TMEM132D: variants seen among roughly 807,000 people sequenced by gnomAD.
TMEM132D encodes mature OL transmembrane protein.
A neutral mutation model predicts 62.3 loss-of-function variants in TMEM132D; 21 were observed. That is an observed-to-expected ratio of 0.34 (90% CI 0.24 to 0.49). The LOEUF is 0.49. TMEM132D is among the 20% of genes least tolerant of loss of function. The pLI is 0.99. For synonymous variants in TMEM132D, 621 were observed against 575.6 expected, an observed-to-expected ratio of 1.08 and a Z score of -1.13; for missense variants, 1,346 against 1,402.8, an observed-to-expected ratio of 0.96 and a Z score of 0.65.
intron 3 of TMEM132D, among the ~76,000 whole-genome samples, chr12:129,451,032 G>T (rs561958362): frequency 7.2e-5 from 11 of 152,008 alleles, no homozygotes; most frequent in Non-Finnish European, 1.3e-4. Context: ...AAAGTGCTGG[G>T]ATTACAGGCG....
chr12:129,076,562 T>TAGAC (rs572475249), intron 8 of TMEM132D, among the ~76,000 whole-genome samples: 250 of 152,344 alleles, frequency 1.6e-3, no homozygotes, highest in African/African-American at 5.8e-3. Context: ...CTTATTCTGT[T>TAGAC]AGACACTGGC....
chr12:129,394,496 G>A (rs7958200), intron 3 of TMEM132D, among the ~76,000 whole-genome samples: 24,343 of 152,142 alleles, frequency 0.16, 3,114 homozygotes, highest in African/African-American at 0.35. Flanking sequence ...CCGGGCCTGC[G>A]TGAGTTCTTA....
chr12:129,844,392 G>A (rs1032938240), intron 1 of TMEM132D, among the ~76,000 whole-genome samples: 2 of 152,176 alleles, frequency 1.3e-5, no homozygotes, highest in African/African-American at 4.8e-5. Flanking sequence ...TGTGTGAGAT[G>A]AGGTCTCATG....
intron 3 of TMEM132D, among the ~76,000 whole-genome samples, chr12:129,504,520 T>C (rs1336019004): frequency 1.3e-5 from 2 of 152,210 alleles, no homozygotes; most frequent in Non-Finnish European, 2.9e-5. Flanking sequence ...CATAAAGGTA[T>C]TCATAGTAGC....
At position 129,076,659 on chromosome 12, in the gene TMEM132D, C is replaced by A. The variant is rs943211280; in HGVS notation, c.2116-1600G>T. Among the ~76,000 whole-genome samples, 5 of 152,176 alleles carry A rather than the reference C, an allele frequency of 3.3e-5. 1 individual carries two copies. The highest frequency in any genetic ancestry group is 3.3e-4 in the Admixed American group (5 of 15,278). ...CACTGACTTACCAGGTTCTCTCAAT[C>A]GGCCATGAAATCTGAGCAGAGCATT... On this transcript the variant is annotated intron_variant, in intron 8 of 8. Transcript: ENST00000422113.
intron 3 of TMEM132D, among the ~76,000 whole-genome samples, chr12:129,361,842 A>C (rs1184739303): frequency 6.6e-6 from 1 of 152,264 alleles, no homozygotes; most frequent in Non-Finnish European, 1.5e-5. Flanking sequence ...GGTTCAAAAA[A>C]GAGGCAAATC....
intron 2 of TMEM132D, among the ~76,000 whole-genome samples, chr12:129,603,313 A>G (rs1412392110): frequency 6.6e-6 from 1 of 152,070 alleles, no homozygotes; most frequent in Non-Finnish European, 1.5e-5. Flanking sequence ...TCTCTCCCCA[A>G]CCCAATTCCT....
intron 1 of TMEM132D, among the ~76,000 whole-genome samples, chr12:129,896,855 T>C (rs945565426): frequency 7.2e-5 from 11 of 152,240 alleles, no homozygotes; most frequent in Non-Finnish European, 1.5e-4. Context: ...GCTATTTGAA[T>C]TCTCTTTCAA....
intron 3 of TMEM132D, among the ~76,000 whole-genome samples, chr12:129,520,350 G>A (rs552491621): frequency 6.6e-6 from 1 of 152,166 alleles, no homozygotes; most frequent in Non-Finnish European, 1.5e-5. Flanking sequence ...CCAACTATCT[G>A]TTCTAACACA....
At chr12:129,652,810 G>T (rs2137184405) in intron 2 of TMEM132D, among the ~76,000 whole-genome samples, 1 of 152,336 alleles carries the variant, frequency 6.6e-6, no homozygotes, top group South Asian at 2.1e-4. Context: ...TGTTACAACA[G>T]CCACAGGAAA....
chr12:129,463,390 C>CA (rs1873748971), intron 3 of TMEM132D, among the ~76,000 whole-genome samples: 1 of 151,762 alleles, frequency 6.6e-6, no homozygotes, highest in Admixed American at 6.6e-5. Context: ...TTCCATATGG[C>CA]AAAAAACATA....
chr12:129,423,745 T>G (rs990173449), intron 3 of TMEM132D, among the ~76,000 whole-genome samples: 1 of 152,162 alleles, frequency 6.6e-6, no homozygotes, highest in Admixed American at 6.5e-5. Flanking sequence ...CAATATTATT[T>G]ATGGTAATAC....
intron 4 of TMEM132D, among the ~76,000 whole-genome samples, chr12:129,237,842 C>T (rs1233096429): frequency 2.0e-5 from 3 of 151,950 alleles, no homozygotes; most frequent in South Asian, 2.1e-4. Context: ...TAGCTGGGCA[C>T]GGTGGCAGGA....
intron 3 of TMEM132D, among the ~76,000 whole-genome samples, chr12:129,521,070 T>G (rs1167453064): frequency 6.6e-6 from 1 of 152,218 alleles, no homozygotes. Context: ...ACAGTCCCAG[T>G]TGATGTCTCT....
chr12:129,665,714 G>A (rs2175339), intron 2 of TMEM132D, among the ~76,000 whole-genome samples: 115,604 of 151,954 alleles, frequency 0.76, 44,353 homozygotes, highest in East Asian at 0.85. Context: ...TACCTATCTC[G>A]TAGGTACTTT....
intron 5 of TMEM132D, among the ~76,000 whole-genome samples, chr12:129,136,902 C>T (rs55934828): frequency 0.042 from 6,284 of 151,278 alleles, 179 homozygotes; most frequent in Non-Finnish European, 0.067. Flanking sequence ...ACCATCATCA[C>T]CATCATCATC....
At chr12:129,708,350 T>C (rs1448625633) in intron 1 of TMEM132D, among the ~76,000 whole-genome samples, 1 of 152,094 alleles carries the variant, frequency 6.6e-6, no homozygotes, top group South Asian at 2.1e-4. Flanking sequence ...CTATTTAGCC[T>C]TTGTGAGTCC....
intron 4 of TMEM132D, among the ~76,000 whole-genome samples, chr12:129,320,735 T>A: frequency 6.6e-6 from 1 of 152,158 alleles, no homozygotes; most frequent in Non-Finnish European, 1.5e-5. Context: ...GTTGAAACAT[T>A]TGTAATGGTT....
At chr12:129,845,841 C>A (rs1873343732) in intron 1 of TMEM132D, among the ~76,000 whole-genome samples, 1 of 152,216 alleles carries the variant, frequency 6.6e-6, no homozygotes, top group Admixed American at 6.5e-5. Flanking sequence ...CCTGGCAGAG[C>A]AGGGCTGCTC....
Sources: allele counts gnomAD v4.1 joint callset (sites outside exome capture counted in the v4.1 genomes callset), GRCh38; gene constraint gnomAD v4.1.1; transcripts MANE v1.5; gene names NCBI Gene and HGNC (gene_info 2026-07-23, HGNC 2026-07-21).